Variants in CRPPA observed in about 807,000 individuals in gnomAD.
CRPPA encodes CDP-L-ribitol pyrophosphorylase A, also known as D-ribitol-5-phosphate cytidylyltransferase.
In CRPPA, 43 loss-of-function variants were observed where a neutral mutation model predicts 52.0. The observed-to-expected ratio is 0.83, with a 90% CI of 0.65 to 1.07. The LOEUF is 1.07. Among genes scored for constraint, CRPPA ranks in the 50% least tolerant of loss-of-function variants. The pLI is 0.00. For missense variants in CRPPA, 629 were observed against 551.7 expected (o/e 1.14, Z -1.40); for synonymous variants, 250 against 203.5 (o/e 1.23, Z -1.94).
At chr7:16,202,040 G>C (rs1373521141) in intron 9 of CRPPA, among the ~76,000 whole-genome samples, 1 of 152,090 alleles carries the variant, frequency 6.6e-6, no homozygotes, top group South Asian at 2.1e-4. Context: ...ATTATAATTT[G>C]CTAAGAGTTT....
intron 5 of CRPPA, among the ~76,000 whole-genome samples, chr7:16,299,337 T>C (rs1480398412): frequency 6.6e-6 from 1 of 152,140 alleles, no homozygotes; most frequent in Non-Finnish European, 1.5e-5. Flanking sequence ...ATCGTAAGAC[T>C]TAAAGCTCTT....
chr7:16,395,233 T>C (rs1404038598), intron 2 of CRPPA, among the ~76,000 whole-genome samples: 4 of 152,168 alleles, frequency 2.6e-5, no homozygotes, highest in Non-Finnish European at 5.9e-5. Context: ...TATTTCCACA[T>C]GTCACTGTAT....
At chr7:16,405,369 A>G (rs1341752975) in intron 2 of CRPPA, among the ~76,000 whole-genome samples, 1 of 152,158 alleles carries the variant, frequency 6.6e-6, no homozygotes, top group Non-Finnish European at 1.5e-5. Context: ...CGACATCACT[A>G]GTAAATAAAA....
chr7:16,303,742 A>C (rs1385355700), intron 4 of CRPPA, among the ~76,000 whole-genome samples: 1 of 152,196 alleles, frequency 6.6e-6, no homozygotes, highest in Non-Finnish European at 1.5e-5. Context: ...CTGAAGAGAA[A>C]CAATGTCACC....
At chr7:16,420,943 T>C (rs368181132) in intron 1 of CRPPA, 123 bp downstream of exon 1, 9 of 877,978 alleles carry the variant, frequency 1.0e-5, no homozygotes, top group Admixed American at 4.3e-5. Context: ...GAGCTCAAGC[T>C]TGAATAACTG....
intron 3 of CRPPA, among the ~76,000 whole-genome samples, chr7:16,371,346 C>G (rs996887015): frequency 6.6e-6 from 1 of 151,938 alleles, no homozygotes; most frequent in Non-Finnish European, 1.5e-5. Context: ...CATTCAAACC[C>G]CATAGGAGAC....
intron 6 of CRPPA, among the ~76,000 whole-genome samples, chr7:16,266,684 G>A (rs1437341383): frequency 6.6e-6 from 1 of 151,956 alleles, no homozygotes; most frequent in Non-Finnish European, 1.5e-5. Context: ...TCACCATATT[G>A]GCCAGGCTGG....
intron 3 of CRPPA, among the ~76,000 whole-genome samples, chr7:16,312,297 A>G (rs1005520374): frequency 2.6e-5 from 4 of 151,970 alleles, no homozygotes; most frequent in Admixed American, 1.3e-4. Flanking sequence ...AGTCTTTCAG[A>G]GTTTTGCAGT....
chr7:16,350,438 C>T (rs1489301350), intron 3 of CRPPA, among the ~76,000 whole-genome samples: 2 of 152,040 alleles, frequency 1.3e-5, no homozygotes, highest in African/African-American at 4.8e-5. Flanking sequence ...GGAATAATTT[C>T]TTAAGGACTA....
intron 9 of CRPPA, among the ~76,000 whole-genome samples, chr7:16,101,081 G>A (rs1015122129): frequency 1.3e-5 from 2 of 152,064 alleles, no homozygotes; most frequent in Non-Finnish European, 2.9e-5. Flanking sequence ...TTTTTGCATC[G>A]ATGTTCATCA....
At chr7:16,171,910 A>G (rs973764723) in intron 9 of CRPPA, among the ~76,000 whole-genome samples, 1 of 152,218 alleles carries the variant, frequency 6.6e-6, no homozygotes, top group Non-Finnish European at 1.5e-5. Flanking sequence ...TCTTCGACCA[A>G]TCTTTTTGAT....
At chr7:16,333,283 T>C (rs2128430669) in intron 3 of CRPPA, among the ~76,000 whole-genome samples, 1 of 152,324 alleles carries the variant, frequency 6.6e-6, no homozygotes, top group South Asian at 2.1e-4. Context: ...AATTGATATC[T>C]ATTGACTACT....
chr7:16,186,302 A>G (rs1272839608), intron 9 of CRPPA, among the ~76,000 whole-genome samples: 2 of 152,198 alleles, frequency 1.3e-5, no homozygotes, highest in African/African-American at 4.8e-5. Context: ...AGAAGGGTAG[A>G]GTCCTCATGA....
chr7:16,342,328 T>C (rs1785867521), intron 3 of CRPPA, among the ~76,000 whole-genome samples: 1 of 152,042 alleles, frequency 6.6e-6, no homozygotes, highest in South Asian at 2.1e-4. Flanking sequence ...AATGTGAAAA[T>C]AATATATTTC....
intron 6 of CRPPA, among the ~76,000 whole-genome samples, chr7:16,271,619 T>C (rs1406858560): frequency 3.9e-5 from 6 of 152,192 alleles, no homozygotes; most frequent in Non-Finnish European, 8.8e-5. Flanking sequence ...CTGTTACTTC[T>C]GGTTTGTTCT....
chr7:16,386,925 C>A (rs1397429016), intron 2 of CRPPA, among the ~76,000 whole-genome samples: 1 of 151,468 alleles, frequency 6.6e-6, no homozygotes, highest in African/African-American at 2.4e-5. Flanking sequence ...AAGGGTGAGG[C>A]AGGAGAATCA....
chr7:16,298,335 G>T (rs1442057026), intron 5 of CRPPA, among the ~76,000 whole-genome samples: 1 of 151,936 alleles, frequency 6.6e-6, no homozygotes, highest in Non-Finnish European at 1.5e-5. Flanking sequence ...ATTTAAGGGA[G>T]GGAAAAAAAG....
intron 9 of CRPPA, among the ~76,000 whole-genome samples, chr7:16,153,597 G>A (rs963008365): frequency 2.6e-5 from 4 of 152,020 alleles, no homozygotes; most frequent in Admixed American, 1.3e-4. Context: ...TATCTACCAA[G>A]TCCTATTTCC....
At chr7:16,178,612 T>A (rs965822903) in intron 9 of CRPPA, among the ~76,000 whole-genome samples, 57 of 152,194 alleles carry the variant, frequency 3.7e-4, no homozygotes, top group African/African-American at 1.3e-3. Context: ...CTTTTAAGTT[T>A]CCTTGCTAAA....
Sources: allele counts gnomAD v4.1 joint callset (sites outside exome capture counted in the v4.1 genomes callset), GRCh38; gene constraint gnomAD v4.1.1; transcripts MANE v1.5; gene names NCBI Gene and HGNC (gene_info 2026-07-23, HGNC 2026-07-21).